Variants in COL23A1 observed in about 807,000 individuals in gnomAD.
The protein encoded by COL23A1 is collagen alpha-1(XXIII) chain.
In COL23A1, 97 loss-of-function variants were observed where a neutral mutation model predicts 99.3. The observed-to-expected ratio is 0.98, with a 90% CI of 0.83 to 1.16. The LOEUF (loss-of-function observed/expected upper bound fraction) is 1.16. COL23A1 is among the 50% of genes most tolerant of loss of function. COL23A1 has a pLI of 0.00. For synonymous variants in COL23A1, 320 were observed against 308.2 expected (o/e 1.04, Z -0.40); for missense variants, 762 against 757.4 (o/e 1.01, Z -0.07).
chr5:178,350,063 T>C (rs1032958165), intron 2 of COL23A1, among the ~76,000 whole-genome samples: 1 of 152,178 alleles, frequency 6.6e-6, no homozygotes, highest in African/African-American at 2.4e-5. Context: ...TAAAACCAGG[T>C]TACAATGCAA....
At position 178,498,619 on chromosome 5, in the gene COL23A1, C is replaced by T. The variant is rs13358346; in HGVS notation, c.361+62063G>A. 2.6e-3 allele frequency among the ~76,000 whole-genome samples: 391 copies of T among 151,930 alleles called. 2 individuals carry two copies. The highest frequency in any genetic ancestry group is 9.1e-3 in the African/African-American group (376 of 41,422). On this transcript the variant is annotated intron_variant, in intron 2 of 28. Transcript: ENST00000390654. Reference sequence around the variant, plus strand: ...CTAGATAAGCCTAGAAAAAGTGAGACAATTGGAAATATTTTTAAAATATTT... The same window carrying T: ...CTAGATAAGCCTAGAAAAAGTGAGATAATTGGAAATATTTTTAAAATATTT...
At chr5:178,375,361 C>G (rs1763016743) in intron 2 of COL23A1, among the ~76,000 whole-genome samples, 1 of 152,232 alleles carries the variant, frequency 6.6e-6, no homozygotes, top group Admixed American at 6.5e-5. Flanking sequence ...CTGGATTCTC[C>G]AAACCCTACC....
intron 5 of COL23A1, among the ~76,000 whole-genome samples, chr5:178,273,613 T>C (rs1581502084): frequency 2.0e-5 from 3 of 152,206 alleles, no homozygotes; most frequent in Admixed American, 1.3e-4. Flanking sequence ...GCCGAGCCTG[T>C]GCCTGCACCG....
Position 178,247,511 on chromosome 5 carries a change from T to G in COL23A1, c.1296+15A>C. ...GGTGAGTCTGAGGCCAGTAGAGGGG[T>G]CTGTGCCCACTCACCTTGGGACCCT... On this transcript the variant is annotated intron_variant, in intron 22 of 28. Coordinates refer to ENST00000390654, the MANE Select transcript of COL23A1 (RefSeq NM_173465.4). 6.2e-7 allele frequency: 1 copy of G among 1,613,556 alleles called. No individual in the cohort carries two copies. Among genetic ancestry groups the G allele is most frequent in the Non-Finnish European group, 8.5e-7 (1 of 1,179,714 alleles).
At chr5:178,539,355 T>C (rs1490278242) in intron 2 of COL23A1, among the ~76,000 whole-genome samples, 1 of 152,034 alleles carries the variant, frequency 6.6e-6, no homozygotes, top group East Asian at 1.9e-4. Flanking sequence ...GAGACCAGCC[T>C]GGCCAACCTG....
chr5:178,480,160 G>GA (rs1757256110), intron 2 of COL23A1, among the ~76,000 whole-genome samples: 2 of 149,030 alleles, frequency 1.3e-5, no homozygotes, highest in South Asian at 4.2e-4. Flanking sequence ...AAAAAAAAAA[G>GA]AAAATTTTTT....
At chr5:178,250,133 T>C (rs753922482) in intron 17 of COL23A1, 28 bp from the exon 18 acceptor site, 1 of 1,613,584 alleles carries the variant, frequency 6.2e-7, no homozygotes, top group African/African-American at 1.3e-5. Context: ...GCAAGAGGGG[T>C]TATGCCTTCC....
chr5:178,408,658 A>T (rs1764882789), intron 2 of COL23A1, among the ~76,000 whole-genome samples: 1 of 152,080 alleles, frequency 6.6e-6, no homozygotes, highest in Non-Finnish European at 1.5e-5. Context: ...CAAAAAACTA[A>T]ATATACACTT....
At chr5:178,300,550 A>C (rs1170801694) in intron 3 of COL23A1, among the ~76,000 whole-genome samples, 1 of 149,040 alleles carries the variant, frequency 6.7e-6, no homozygotes, top group Non-Finnish European at 1.5e-5. Flanking sequence ...GATGCTTTCA[A>C]GATTCTTTTT....
At chr5:178,363,367 A>G (rs888639075) in intron 2 of COL23A1, among the ~76,000 whole-genome samples, 2 of 152,148 alleles carry the variant, frequency 1.3e-5, no homozygotes, top group African/African-American at 2.4e-5. Flanking sequence ...TGTAGAACCT[A>G]CAGTCCAGAA....
At chr5:178,470,024 G>A (rs1267203819) in intron 2 of COL23A1, among the ~76,000 whole-genome samples, 1 of 152,214 alleles carries the variant, frequency 6.6e-6, no homozygotes, top group African/African-American at 2.4e-5. Context: ...ACTCTAGCCA[G>A]CTAAATCAGT....
chr5:178,356,539 T>G (rs1761663914), intron 2 of COL23A1, among the ~76,000 whole-genome samples: 1 of 151,984 alleles, frequency 6.6e-6, no homozygotes, highest in African/African-American at 2.4e-5. Flanking sequence ...GAGGAGGCAT[T>G]CTGCCTCAGG....
intron 5 of COL23A1, among the ~76,000 whole-genome samples, chr5:178,274,857 C>CT (rs1429099025): frequency 6.6e-6 from 1 of 152,224 alleles, no homozygotes; most frequent in East Asian, 1.9e-4. Flanking sequence ...CCTGCCTGAT[C>CT]AAAGCCCTTG....
rs1015905939 is a variant in COL23A1 at position 178,310,355 on chromosome 5, ACAT to A, written c.362-3439_362-3437del. On this transcript the variant is annotated intron_variant, in intron 2 of 28. Transcript: ENST00000390654. The surrounding 1 kb of genome is among the most constrained non-coding windows in gnomAD (Gnocchi z 4.3). ...CACCATGGGCAGTGACCTGGGTTCA[ACAT>A]CTACTGGGTGCCAAGCCGGCTGCTC... Among the ~76,000 whole-genome samples the A allele has an allele frequency of 2.0e-5, 3 of 152,196 alleles. No individual in the cohort carries two copies. The highest frequency in any genetic ancestry group is 7.2e-5 in the African/African-American group (3 of 41,452).
chr5:178,590,009 G>C lies in COL23A1; in HGVS notation c.189C>G (p.Gly63=). The change falls in exon 1 of 29, where the codon GGC becomes GGG. Residue 63 remains glycine (G), a synonymous_variant. Transcript: ENST00000390654. The surrounding 1 kb of genome is among the most constrained non-coding windows in gnomAD (Gnocchi z 5.7). ...GCTCCTCCTCGAGCGCCGCCACCCG[G>C]CCCTGCAGCGCGGCCGCCTGGACAC... ...LLGVQAAALQ[G]RVAALEEERE... The C allele has an allele frequency of 7.4e-7, 1 of 1,349,080 alleles. No homozygotes were observed. The highest frequency in any genetic ancestry group is 9.5e-7 in the Non-Finnish European group (1 of 1,050,744). The allele number at this position is 1,349,080 out of a possible 1,614,324, so 83.6% of individuals were successfully genotyped here.
intron 2 of COL23A1, among the ~76,000 whole-genome samples, chr5:178,435,663 G>A (rs1766518048): frequency 6.6e-6 from 1 of 152,186 alleles, no homozygotes; most frequent in Non-Finnish European, 1.5e-5. Context: ...ATGAGGAAAA[G>A]CGAGGGGGAG....
intron 2 of COL23A1, among the ~76,000 whole-genome samples, chr5:178,414,469 ATG>A (rs1273462378): frequency 2.9e-5 from 4 of 136,230 alleles, no homozygotes; most frequent in African/African-American, 1.0e-4. Flanking sequence ...AGGCAGGTAA[ATG>A]TGTAAAAAAA....
intron 2 of COL23A1, among the ~76,000 whole-genome samples, chr5:178,467,722 T>A (rs560852542): frequency 1.1e-4 from 16 of 152,232 alleles, no homozygotes; most frequent in Non-Finnish European, 1.6e-4. Flanking sequence ...TAATTCTTTT[T>A]AATTGACTCA....
intron 5 of COL23A1, among the ~76,000 whole-genome samples, chr5:178,279,068 C>T (rs1407266346): frequency 6.6e-6 from 1 of 152,172 alleles, no homozygotes; most frequent in Non-Finnish European, 1.5e-5. Flanking sequence ...GCCAGGACAC[C>T]AGCCCAAAGC....
Sources: gnomAD v4.1 joint callset for allele counts (sites outside exome capture counted in the v4.1 genomes callset) on GRCh38, gnomAD v4.1.1 for gene constraint, Gnocchi (gnomAD v3.1) non-coding constraint, MANE v1.5 for transcripts, NCBI Gene and HGNC (gene_info 2026-07-23, HGNC 2026-07-21) for gene names.